Variants in TENM1 observed in about 807,000 individuals in gnomAD.
The protein encoded by TENM1 is teneurin-1.
In TENM1, 35 loss-of-function variants were observed where a neutral mutation model predicts 174.8. The observed-to-expected ratio is 0.20, with a 90% CI of 0.15 to 0.27. The LOEUF (loss-of-function observed/expected upper bound fraction) is 0.27. Ranked by LOEUF, TENM1 falls within the 10% of genes least tolerant of loss-of-function variation. TENM1 has a pLI of 1.00. For synonymous variants in TENM1, 781 were observed against 798.7 expected (o/e 0.98, Z 0.37); for missense variants, 1,633 against 2,130.1 (o/e 0.77, Z 4.59).
intron 3 of TENM1, among the ~76,000 whole-genome samples, chrX:124,850,027 A>G (rs1360984187): frequency 8.9e-6 from 1 of 111,887 alleles, no homozygotes; most frequent in Non-Finnish European, 1.9e-5. Context: ...AGATTAGGAT[A>G]TTGTGGCTTT....
chrX:125,027,418 G>A, the TENM1 span, among the ~76,000 whole-genome samples: 50 of 111,327 alleles, frequency 4.5e-4, no homozygotes, highest in Admixed American at 3.7e-3. Context: ...AGATTTGAAC[G>A]AAAGGAGAGA....
exon 32 of TENM1, chrX:124,380,297 A>T (rs1949825774): frequency 3.2e-6 from 1 of 312,931 alleles, no homozygotes; most frequent in South Asian, 1.1e-4. Context: ...TAGCTGTTTG[A>T]GTTCTACTTG....
chrX:125,112,664 C>T, the TENM1 span, among the ~76,000 whole-genome samples: 6 of 111,681 alleles, frequency 5.4e-5, no homozygotes, highest in South Asian at 2.3e-3. Context: ...TTTACGAAAA[C>T]AGGCTGCACT....
chrX:125,117,544 C>A, the TENM1 span, among the ~76,000 whole-genome samples: 2 of 110,267 alleles, frequency 1.8e-5, no homozygotes, highest in Non-Finnish European at 1.9e-5. Flanking sequence ...CACACCAGGG[C>A]CTGTCAGGGG....
chrX:125,175,808 G>A, the TENM1 span, among the ~76,000 whole-genome samples: 1 of 111,847 alleles, frequency 8.9e-6, no homozygotes, highest in Non-Finnish European at 1.9e-5. Flanking sequence ...AATGTGTCCA[G>A]TTACTATTGT....
chrX:125,078,246 G>A, the TENM1 span, among the ~76,000 whole-genome samples: 1 of 111,677 alleles, frequency 9.0e-6, no homozygotes, highest in African/African-American at 3.2e-5. Context: ...ATTCCAAGTT[G>A]TCACATGGTT....
chrX:124,605,707 T>C (rs893208955), intron 11 of TENM1, among the ~76,000 whole-genome samples: 2 of 111,620 alleles, frequency 1.8e-5, no homozygotes, highest in Non-Finnish European at 3.8e-5. Context: ...ATATTTACAG[T>C]AATACAATGC....
chrX:124,412,252 G>C (rs1308290877), intron 25 of TENM1, among the ~76,000 whole-genome samples: 1 of 113,126 alleles, frequency 8.8e-6, no homozygotes, highest in African/African-American at 3.2e-5. Context: ...GTGAGTGTGT[G>C]TGTGCATGTG....
At chrX:125,027,749 A>G in the TENM1 span, among the ~76,000 whole-genome samples, 1 of 109,178 alleles carries the variant, frequency 9.2e-6, no homozygotes, top group Non-Finnish European at 1.9e-5. Flanking sequence ...GAGTAGCTGG[A>G]ACTACAGGTG....
the TENM1 span, among the ~76,000 whole-genome samples, chrX:125,149,977 T>C: frequency 9.0e-6 from 1 of 111,436 alleles, no homozygotes; most frequent in African/African-American, 3.3e-5. Context: ...AACCAACACA[T>C]GCTTCTGGCA....
intron 1 of TENM1, among the ~76,000 whole-genome samples, chrX:124,960,938 A>T (rs930791201): frequency 8.9e-6 from 1 of 112,386 alleles, no homozygotes; most frequent in African/African-American, 3.2e-5. Flanking sequence ...AAAAAATGGG[A>T]AATATTAAAA....
chrX:125,101,994 A>G, the TENM1 span, among the ~76,000 whole-genome samples: 1 of 111,864 alleles, frequency 8.9e-6, no homozygotes, highest in Non-Finnish European at 1.9e-5. Context: ...ACATCCAAAG[A>G]AAAAAGAGTG....
chrX:125,029,774 T>C, the TENM1 span, among the ~76,000 whole-genome samples: 1 of 111,542 alleles, frequency 9.0e-6, no homozygotes, highest in East Asian at 2.8e-4. Context: ...CGGTTGTGTA[T>C]ATAGCTGTAG....
At chrX:124,937,227 T>C (rs780242909) in intron 1 of TENM1, among the ~76,000 whole-genome samples, 17 of 111,856 alleles carry the variant, frequency 1.5e-4, no homozygotes, top group Middle Eastern at 4.7e-3. Context: ...AGATACACTG[T>C]TATCATAAAT....
intron 3 of TENM1, among the ~76,000 whole-genome samples, chrX:124,782,455 C>CAT (rs2147177335): frequency 9.0e-6 from 1 of 110,798 alleles, no homozygotes; most frequent in East Asian, 2.9e-4. Flanking sequence ...CTCCCATGAC[C>CAT]ATATATACCA....
the TENM1 span, among the ~76,000 whole-genome samples, chrX:125,132,497 A>G: frequency 1.8e-5 from 2 of 112,003 alleles, no homozygotes; most frequent in Non-Finnish European, 3.8e-5. Flanking sequence ...ATAATGTTGT[A>G]GAAACAACAT....
the TENM1 span, among the ~76,000 whole-genome samples, chrX:125,011,418 T>A: frequency 9.0e-6 from 1 of 111,513 alleles, no homozygotes; most frequent in Non-Finnish European, 1.9e-5. Context: ...GGAGAAAATT[T>A]TTGCAATCTA....
At chrX:124,763,740 A>C (rs186175653) in intron 3 of TENM1, among the ~76,000 whole-genome samples, 45 of 112,191 alleles carry the variant, frequency 4.0e-4, no homozygotes, top group Middle Eastern at 4.6e-3. Context: ...ATCAGGTAAT[A>C]GGCACAGAGA....
At chrX:125,011,233 G>T in the TENM1 span, among the ~76,000 whole-genome samples, 5 of 111,717 alleles carry the variant, frequency 4.5e-5, no homozygotes, top group Non-Finnish European at 9.4e-5. Context: ...AAAAACCCTA[G>T]AAGAAAACGT....
Sources: gnomAD v4.1 joint callset for allele counts (sites outside exome capture counted in the v4.1 genomes callset) on GRCh38, gnomAD v4.1.1 for gene constraint, MANE v1.5 for transcripts, NCBI Gene and HGNC (gene_info 2026-07-23, HGNC 2026-07-21) for gene names.